GIGYF2: variants seen among roughly 807,000 people sequenced by gnomAD.
The protein encoded by GIGYF2 is GRB10 interacting GYF protein 2, also known as GRB10-interacting GYF protein 2.
Under a neutral mutation model 208.1 loss-of-function variants are expected in GIGYF2, and 25 were observed. The observed-to-expected ratio is 0.12, with a 90% confidence interval of 0.09 to 0.17. The LOEUF (loss-of-function observed/expected upper bound fraction) is 0.17, where lower values mean the gene tolerates loss of function less well. GIGYF2 is among the 10% of genes least tolerant of loss of function. GIGYF2 has a pLI of 1.00. For synonymous variants in GIGYF2, 534 were observed against 543.8 expected (o/e 0.98, Z 0.25); for missense variants, 1,302 against 1,579.4 (o/e 0.82, Z 2.98).
chr2:232,787,404 AAAAGAT>A, intron 9 of GIGYF2, 75 bp downstream of exon 9: 1 of 1,293,636 alleles, frequency 7.7e-7, no homozygotes, highest in South Asian at 1.2e-5. Context: ...GATTAAATGA[AAAAGAT>A]AAACTGGCTT....
At chr2:232,798,062 A>G (rs1306462068) in intron 14 of GIGYF2, among the ~76,000 whole-genome samples, 1 of 149,548 alleles carries the variant, frequency 6.7e-6, no homozygotes, top group Non-Finnish European at 1.5e-5. Flanking sequence ...TTTTATAGCC[A>G]CCTGAGCTTC....
chr2:232,796,027 A>T (rs1700211848), intron 13 of GIGYF2, 35 bp from the exon 14 acceptor site: 1 of 1,544,286 alleles, frequency 6.5e-7, no homozygotes, highest in African/African-American at 1.4e-5. Context: ...ATTTAGGATC[A>T]TTTGTTTCCT....
intron 9 of GIGYF2, among the ~76,000 whole-genome samples, chr2:232,789,915 G>A (rs959912160): frequency 6.6e-6 from 1 of 151,976 alleles, no homozygotes; most frequent in Non-Finnish European, 1.5e-5. Context: ...GTAGATTTGG[G>A]AATGTCCGTA....
chr2:232,744,279 A>C (rs1260105419), intron 3 of GIGYF2, among the ~76,000 whole-genome samples: 1 of 152,310 alleles, frequency 6.6e-6, no homozygotes. Context: ...AATTGAAGAA[A>C]TTAGGAATGT....
At chr2:232,712,468 A>AG (rs1696465955) in intron 2 of GIGYF2, among the ~76,000 whole-genome samples, 1 of 152,158 alleles carries the variant, frequency 6.6e-6, no homozygotes, top group Non-Finnish European at 1.5e-5. Flanking sequence ...CCTCTCTCTT[A>AG]TGAGTACATG....
At chr2:232,759,733 A>C (rs113967844) in intron 6 of GIGYF2, among the ~76,000 whole-genome samples, 8 of 151,812 alleles carry the variant, frequency 5.3e-5, no homozygotes, top group Non-Finnish European at 8.8e-5. Context: ...TTGTACAACT[A>C]TTTCTATTAG....
chr2:232,811,090 C>T, intron 16 of GIGYF2, 154 bp from the exon 17 acceptor site: 2 of 616,486 alleles, frequency 3.2e-6, no homozygotes, highest in South Asian at 3.7e-5. Context: ...TTCTATGTGT[C>T]TATTATCATA....
rs549606845 is a variant in GIGYF2 at position 232,860,472 on chromosome 2, G to A, written c.*3612G>A. The A allele has an allele frequency of 8.7e-5, 13 of 149,712 alleles. No individual in the cohort carries two copies. The highest frequency in any genetic ancestry group is 7.8e-4 in the East Asian group (4 of 5,138). 9.3% of individuals were successfully genotyped at this position (149,712 alleles called of 1,614,324 possible). On this transcript the variant is annotated 3_prime_UTR_variant, in exon 29 of 29. Transcript: ENST00000373563. ...TAATATATACATATATGTTATATAC[G>A]TATATATATTGCACCCTACTTTAAA...
At chr2:232,720,498 T>A (rs1696883681) in intron 2 of GIGYF2, among the ~76,000 whole-genome samples, 1 of 152,008 alleles carries the variant, frequency 6.6e-6, no homozygotes, top group African/African-American at 2.4e-5. Flanking sequence ...TAGTTCTAGA[T>A]CCTTGAGGAA....
intron 8 of GIGYF2, 114 bp from the exon 9 acceptor site, chr2:232,787,036 T>C (rs1263281036): frequency 5.3e-6 from 4 of 758,486 alleles, no homozygotes; most frequent in Non-Finnish European, 9.4e-6. Context: ...GATTTTTTTC[T>C]GAATATTGAA....
chr2:232,723,671 C>T (rs1368805969), intron 2 of GIGYF2, among the ~76,000 whole-genome samples: 2 of 150,888 alleles, frequency 1.3e-5, no homozygotes, highest in Non-Finnish European at 2.9e-5. Flanking sequence ...CCTCGTGATC[C>T]ACCTGCTTTG....
intron 2 of GIGYF2, among the ~76,000 whole-genome samples, chr2:232,724,379 A>G (rs540299202): frequency 6.6e-6 from 1 of 151,998 alleles, no homozygotes; most frequent in East Asian, 1.9e-4. Flanking sequence ...TTCCTGAAAG[A>G]GTTGACTGCA....
In GIGYF2 at chr2:232,749,067, T is replaced by C; in HGVS notation, c.252T>C (p.Phe84=). 1.3e-6 allele frequency: 2 copies of C among 1,565,462 alleles called. No homozygotes were observed. Among genetic ancestry groups the C allele is most frequent in the Non-Finnish European group, 1.8e-6 (2 of 1,135,598 alleles). ...TTCCACCATTGGCTCTGGTACCCTT[T>C]ACAGAAGAAGAACAGGTTTGTGATT... The part of the protein sequence containing the change: ...EPLPPLALVP[F]TEEEQRNFSM... Residue 84 remains phenylalanine (F), a synonymous_variant, in exon 5 of 29, where the codon TTT becomes TTC. Coordinates refer to ENST00000373563, the MANE Select transcript of GIGYF2 (RefSeq NM_001103146.3).
Position 232,768,404 on chromosome 2 carries a change from C to T in GIGYF2, c.532+6968C>T, listed in dbSNP as rs539013622. 5.6e-5 allele frequency: 90 copies of T among 1,614,150 alleles called. No individual in the cohort carries two copies. The highest frequency in any genetic ancestry group is 7.1e-5 in the Non-Finnish European group (84 of 1,180,012). Reference sequence around the variant, plus strand: ...AACAGTGATGTAACATGATTTCAGACGGTAGGTAGGATGTCCTCCTTTGGC... The same window carrying T: ...AACAGTGATGTAACATGATTTCAGATGGTAGGTAGGATGTCCTCCTTTGGC... On this transcript the variant is annotated intron_variant, in intron 8 of 28. Transcript: ENST00000373563.
chr2:232,792,058 AC>A (rs1439782634), intron 12 of GIGYF2, among the ~76,000 whole-genome samples: 1 of 152,080 alleles, frequency 6.6e-6, no homozygotes, highest in Non-Finnish European at 1.5e-5. Context: ...AAAAATTGAT[AC>A]CCTTTAACAT....
chr2:232,714,470 G>A (rs1696583083), intron 2 of GIGYF2, among the ~76,000 whole-genome samples: 1 of 151,896 alleles, frequency 6.6e-6, no homozygotes, highest in Admixed American at 6.6e-5. Flanking sequence ...TTTTTGGGGG[G>A]TGCAGTCTAT....
rs996074668 is a variant in GIGYF2, at chr2:232,806,831, T to C, written c.1806+174T>C. 1.3e-5 allele frequency among the ~76,000 whole-genome samples: 2 copies of C among 148,602 alleles called. No individual in the cohort carries two copies. The highest frequency in any genetic ancestry group is 4.9e-5 in the African/African-American group (2 of 41,180). On this transcript the variant is annotated intron_variant, in intron 15 of 28. Transcript: ENST00000373563. The surrounding 1 kb of genome is among the most constrained non-coding windows in gnomAD (Gnocchi z 4.0). ...CTGAATACTTAGCTATAATGATCTT[T>C]TCAAAACTCGAATAACCTGTGCCCA...
intron 28 of GIGYF2, among the ~76,000 whole-genome samples, chr2:232,853,229 G>C (rs755769437): frequency 2.0e-5 from 3 of 152,052 alleles, no homozygotes; most frequent in Non-Finnish European, 4.4e-5. Context: ...TGGGAAAATG[G>C]GAAGTCTTCG....
At chr2:232,768,542 A>G (rs761231820) in intron 8 of GIGYF2, 15 of 1,614,202 alleles carry the variant, frequency 9.3e-6, no homozygotes, top group Non-Finnish European at 1.3e-5. Context: ...TAATGGAGTG[A>G]TAGTACGTTA....
Sources: gnomAD v4.1 joint callset for allele counts (sites outside exome capture counted in the v4.1 genomes callset) on GRCh38, gnomAD v4.1.1 for gene constraint, Gnocchi (gnomAD v3.1) non-coding constraint, MANE v1.5 for transcripts, NCBI Gene and HGNC (gene_info 2026-07-23, HGNC 2026-07-21) for gene names.